Variants in ERCC8 observed in about 807,000 individuals in gnomAD.
ERCC8 encodes the protein DNA excision repair protein ERCC-8.
A neutral mutation model predicts 54.9 loss-of-function variants in ERCC8; 52 were observed. That is an observed-to-expected ratio of 0.95 (90% CI 0.76 to 1.19). ERCC8 has a LOEUF of 1.19. Among genes scored for constraint, ERCC8 ranks in the 50% most tolerant of loss-of-function variants. The pLI, the probability that ERCC8 is intolerant of heterozygous loss-of-function variation, is 0.00. For synonymous variants in ERCC8, 146 were observed against 157.2 expected (o/e 0.93, Z 0.53); for missense variants, 514 against 466.1 (o/e 1.10, Z -0.95).
intron 1 of ERCC8, among the ~76,000 whole-genome samples, chr5:60,943,506 C>CT (rs1185030257): frequency 6.6e-6 from 1 of 152,162 alleles, no homozygotes; most frequent in African/African-American, 2.4e-5. Context: ...TGATTGGTCA[C>CT]TGTGCATCTG....
intron 5 of ERCC8, 122 bp from the exon 6 acceptor site, chr5:60,903,838 G>A: frequency 1.1e-6 from 1 of 912,514 alleles, no homozygotes; most frequent in Non-Finnish European, 1.7e-6. Flanking sequence ...GAAGATATAT[G>A]CCAAAATTAC....
In ERCC8 at chr5:60,887,425, G is replaced by C; in HGVS notation, c.1122+15C>G. 3.8e-6 allele frequency: 6 copies of C among 1,586,398 alleles called. No individual in the cohort carries two copies. The highest frequency in any genetic ancestry group is 5.2e-6 in the Non-Finnish European group (6 of 1,155,072). ...CTTTAGAAGTCACTGTACCATTTGT[G>C]AAAATAATATTTACCTCATCATCAT... On this transcript the variant is annotated intron_variant, in intron 11 of 11. Transcript: ENST00000676185.
Position 60,869,398 on chromosome 5 carries a change from G to T in ERCC8, c.*5217C>A, listed in dbSNP as rs1338316186. 6.6e-6 allele frequency among the ~76,000 whole-genome samples: 1 copy of T among 152,162 alleles called. No individual in the cohort carries two copies. On this transcript the variant is annotated 3_prime_UTR_variant, in exon 12 of 12. Transcript: ENST00000676185. ...GATTTTAAATAATAAAGCTAATGGT[G>T]TGTCTCTCACCAATACTGAGCTCTA... is the stretch of plus-strand genomic sequence containing the variant.
chr5:60,909,490 G>T (rs986677870), intron 4 of ERCC8, among the ~76,000 whole-genome samples: 1 of 151,998 alleles, frequency 6.6e-6, no homozygotes, highest in African/African-American at 2.4e-5. Flanking sequence ...AGACAGCAAG[G>T]TCAACTCCTC....
At chr5:60,879,921 G>C (rs1287482044) in intron 11 of ERCC8, among the ~76,000 whole-genome samples, 3 of 152,166 alleles carry the variant, frequency 2.0e-5, no homozygotes, top group Non-Finnish European at 1.5e-5. Context: ...ACATTAGCTG[G>C]TTATTTTGCT....
chr5:60,892,465 G>C, intron 9 of ERCC8: 1 of 565,882 alleles, frequency 1.8e-6, no homozygotes, highest in South Asian at 1.5e-5. Context: ...TGAGTGGGTG[G>C]TGGTGGTCTA....
chr5:60,919,109 CAG>C (rs1188265769), intron 3 of ERCC8, among the ~76,000 whole-genome samples: 1 of 151,976 alleles, frequency 6.6e-6, no homozygotes, highest in Non-Finnish European at 1.5e-5. Context: ...AATTTGAACA[CAG>C]ACTGGATATT....
rs1379363296 is a variant in ERCC8 at position 60,940,515 on chromosome 5, A to ATTCT, written c.77+4416_77+4417insAGAA. Among the ~76,000 whole-genome samples the ATTCT allele has an allele frequency of 3.3e-3, 499 of 152,332 alleles. 2 individuals carry two copies. The highest frequency in any genetic ancestry group is 0.012 in the African/African-American group (483 of 41,562). On this transcript the variant is annotated intron_variant, in intron 1 of 11. Coordinates refer to ENST00000676185, the MANE Select transcript of ERCC8 (RefSeq NM_000082.4). Reference sequence around the variant, plus strand: ...TGGCCAAAACAGGGAGTCCCAGAGAACTGGGAAGCATCCAGGAGATCACAG... The same window carrying ATTCT: ...TGGCCAAAACAGGGAGTCCCAGAGAATTCTCTGGGAAGCATCCAGGAGATCACAG...
intron 9 of ERCC8, chr5:60,892,805 T>C: frequency 2.9e-6 from 2 of 679,838 alleles, no homozygotes; most frequent in Non-Finnish European, 5.4e-6. Context: ...CCTGCATGAA[T>C]TTCGTGACCC....
At chr5:60,892,028 A>C (rs186773800) in intron 9 of ERCC8, 1 of 526,524 alleles carries the variant, frequency 1.9e-6, no homozygotes, top group African/African-American at 1.9e-5. Context: ...CATTTCTGTA[A>C]ATTCTTACTC....
At chr5:60,894,443 T>C (rs1748664767) in intron 9 of ERCC8, among the ~76,000 whole-genome samples, 1 of 152,176 alleles carries the variant, frequency 6.6e-6, no homozygotes, top group Non-Finnish European at 1.5e-5. Flanking sequence ...TTATGAAAAT[T>C]ATGCAGAAAA....
At chr5:60,909,280 C>CAAAAAAAAAAAAAAAAAAAAAA (rs1749181344) in intron 4 of ERCC8, among the ~76,000 whole-genome samples, 1 of 38,198 alleles carries the variant, frequency 2.6e-5, no homozygotes, top group African/African-American at 9.8e-5. Context: ...AAAAAAAAAG[C>CAAAAAAAAAAAAAAAAAAAAAA]CACAAAGGAC....
chr5:60,894,638 C>A (rs1215485290), intron 9 of ERCC8, among the ~76,000 whole-genome samples: 12 of 152,126 alleles, frequency 7.9e-5, no homozygotes, highest in Non-Finnish European at 7.3e-5. Flanking sequence ...TGCAGACTTC[C>A]AGGCCCCACC....
intron 1 of ERCC8, among the ~76,000 whole-genome samples, chr5:60,938,154 TAG>T (rs1383628278): frequency 1.6e-4 from 24 of 147,648 alleles, no homozygotes; most frequent in Non-Finnish European, 2.4e-4. Context: ...CCCTAAGTTG[TAG>T]AAGTGGTTAT....
At chr5:60,934,090 G>C (rs1180040773) in intron 1 of ERCC8, among the ~76,000 whole-genome samples, 1 of 152,156 alleles carries the variant, frequency 6.6e-6, no homozygotes, top group East Asian at 1.9e-4. Context: ...TCTTCTACTA[G>C]GTGGATACCC....
intron 9 of ERCC8, chr5:60,892,913 G>C (rs1748607993): frequency 1.4e-6 from 1 of 739,194 alleles, no homozygotes; most frequent in Non-Finnish European, 2.5e-6. Flanking sequence ...CCATATGGAT[G>C]TGGGTGCGCA....
Position 60,873,380 on chromosome 5 carries a change from A to C in ERCC8, c.*1235T>G, listed in dbSNP as rs1393187756. Among the ~76,000 whole-genome samples, 1 of 152,204 alleles carries C rather than the reference A, an allele frequency of 6.6e-6. No homozygotes were observed. Among genetic ancestry groups the C allele is most frequent in the African/African-American group, 2.4e-5 (1 of 41,458 alleles). ...GGAGGTCTAACCCTTATACACTTAA[A>C]AACTCAACAACTGGCTGGGTGCAGT... On this transcript the variant is annotated 3_prime_UTR_variant, in exon 12 of 12. Coordinates refer to ENST00000676185, the MANE Select transcript of ERCC8 (RefSeq NM_000082.4).
At chr5:60,936,818 G>A (rs1205775911) in intron 1 of ERCC8, among the ~76,000 whole-genome samples, 1 of 152,134 alleles carries the variant, frequency 6.6e-6, no homozygotes, top group Non-Finnish European at 1.5e-5. Flanking sequence ...TTTCCCCTAA[G>A]GTGTGTGATC....
intron 1 of ERCC8, among the ~76,000 whole-genome samples, chr5:60,930,246 A>T (rs1443839699): frequency 6.6e-6 from 1 of 152,118 alleles, no homozygotes; most frequent in Non-Finnish European, 1.5e-5. Context: ...CCTGGCCAAC[A>T]TGGCTAAACC....
Sources: gnomAD v4.1 joint callset for allele counts (sites outside exome capture counted in the v4.1 genomes callset) on GRCh38, gnomAD v4.1.1 for gene constraint, MANE v1.5 for transcripts, NCBI Gene and HGNC (gene_info 2026-07-23, HGNC 2026-07-21) for gene names.